Variants in ENOX1 observed in about 807,000 individuals in gnomAD.
ENOX1 encodes candidate growth-related and time keeping constitutive hydroquinone (NADH) oxidase.
A neutral mutation model predicts 82.5 loss-of-function variants in ENOX1; 42 were observed. The observed-to-expected ratio is 0.51, with a 90% CI of 0.40 to 0.66. The LOEUF (loss-of-function observed/expected upper bound fraction) is 0.66. ENOX1 is among the 30% of genes least tolerant of loss of function. The pLI is 0.00. For missense variants in ENOX1, 608 were observed against 811.6 expected (o/e 0.75, Z 3.05); for synonymous variants, 271 against 282.2 (o/e 0.96, Z 0.40).
intron 2 of ENOX1, among the ~76,000 whole-genome samples, chr13:43,593,725 G>C (rs1007409594): frequency 3.0e-5 from 3 of 99,188 alleles, no homozygotes; most frequent in Non-Finnish European, 5.8e-5. Flanking sequence ...CACACACACA[G>C]GCACTCCCTT....
chr13:43,757,705 T>C (rs575064891), intron 1 of ENOX1, among the ~76,000 whole-genome samples: 2 of 152,176 alleles, frequency 1.3e-5, no homozygotes, highest in Non-Finnish European at 2.9e-5. Context: ...CATTTTACAC[T>C]ACAAGTGAGA....
intron 1 of ENOX1, among the ~76,000 whole-genome samples, chr13:43,729,759 C>G (rs1380507483): frequency 6.6e-6 from 1 of 152,240 alleles, no homozygotes; most frequent in Non-Finnish European, 1.5e-5. Context: ...AATAATGCCT[C>G]TCTGATGGAG....
chr13:43,474,651 C>A (rs1593386505), intron 3 of ENOX1, among the ~76,000 whole-genome samples: 1 of 152,136 alleles, frequency 6.6e-6, no homozygotes, highest in African/African-American at 2.4e-5. Context: ...CCTACACTTA[C>A]TTTTCTCACT....
chr13:43,638,474 C>T (rs2083496504), intron 2 of ENOX1, among the ~76,000 whole-genome samples: 1 of 151,984 alleles, frequency 6.6e-6, no homozygotes, highest in African/African-American at 2.4e-5. Context: ...CTGCACTGAG[C>T]TCTAGCAAAG....
intron 3 of ENOX1, among the ~76,000 whole-genome samples, chr13:43,438,849 C>T (rs1359333471): frequency 6.6e-6 from 1 of 152,130 alleles, no homozygotes; most frequent in Non-Finnish European, 1.5e-5. Flanking sequence ...AAAGGAGATT[C>T]TGATATGCAT....
At chr13:43,545,036 A>G (rs1314794518) in intron 2 of ENOX1, 2 of 151,930 alleles carry the variant, frequency 1.3e-5, no homozygotes, top group Non-Finnish European at 2.9e-5. Flanking sequence ...ATATCCCTAA[A>G]CTCCATCCAT....
intron 14 of ENOX1, among the ~76,000 whole-genome samples, chr13:43,238,717 T>C (rs943208342): frequency 6.6e-6 from 1 of 152,078 alleles, no homozygotes; most frequent in Non-Finnish European, 1.5e-5. Flanking sequence ...ACCCTGGAGC[T>C]GAGTGGAAAT....
intron 2 of ENOX1, among the ~76,000 whole-genome samples, chr13:43,611,686 G>C (rs1223617210): frequency 2.0e-5 from 3 of 152,166 alleles, no homozygotes; most frequent in Non-Finnish European, 4.4e-5. Flanking sequence ...TATTTCTAAT[G>C]CATTCTGGCA....
intron 1 of ENOX1, among the ~76,000 whole-genome samples, chr13:43,723,934 G>A (rs2088752201): frequency 6.6e-6 from 1 of 152,132 alleles, no homozygotes; most frequent in Non-Finnish European, 1.5e-5. Context: ...CAGTTATTCT[G>A]GGATATCTGA....
intron 3 of ENOX1, among the ~76,000 whole-genome samples, chr13:43,445,289 A>G (rs1320886462): frequency 6.6e-6 from 1 of 151,706 alleles, no homozygotes; most frequent in Non-Finnish European, 1.5e-5. Context: ...ACGCCTGGCT[A>G]ATTTTTTGTA....
intron 2 of ENOX1, among the ~76,000 whole-genome samples, chr13:43,625,415 A>G (rs1014381639): frequency 6.6e-6 from 1 of 152,006 alleles, no homozygotes; most frequent in South Asian, 2.1e-4. Flanking sequence ...CTTGTTCTCA[A>G]TCTTGAAGAG....
chr13:43,537,688 A>G (rs1203546395), intron 2 of ENOX1, among the ~76,000 whole-genome samples: 1 of 152,226 alleles, frequency 6.6e-6, no homozygotes, highest in Non-Finnish European at 1.5e-5. Flanking sequence ...AGATCTTGTG[A>G]TGTGAGACAC....
At chr13:43,276,138 G>A (rs1012446333) in intron 12 of ENOX1, among the ~76,000 whole-genome samples, 2 of 152,156 alleles carry the variant, frequency 1.3e-5, no homozygotes, top group Admixed American at 1.3e-4. Flanking sequence ...TACTCAGTGG[G>A]ATAATCCTTT....
At chr13:43,659,811 T>A (rs1190294738) in intron 2 of ENOX1, among the ~76,000 whole-genome samples, 1 of 152,170 alleles carries the variant, frequency 6.6e-6, no homozygotes, top group Non-Finnish European at 1.5e-5. Context: ...AGGAAAGGTA[T>A]CCTTAGCTGC....
At chr13:43,501,625 G>A (rs114239324) in intron 2 of ENOX1, among the ~76,000 whole-genome samples, 2,845 of 151,090 alleles carry the variant, frequency 0.019, 102 homozygotes, top group African/African-American at 0.064. Context: ...CAAATACATG[G>A]AAATTTGAAA....
chr13:43,335,802 C>A (rs1427337521), intron 9 of ENOX1, among the ~76,000 whole-genome samples: 1 of 150,278 alleles, frequency 6.7e-6, no homozygotes, highest in Non-Finnish European at 1.5e-5. Flanking sequence ...AAAAAAGACT[C>A]ATTTCAGTTC....
At chr13:43,262,198 C>T (rs1415839116) in intron 14 of ENOX1, among the ~76,000 whole-genome samples, 2 of 151,852 alleles carry the variant, frequency 1.3e-5, no homozygotes, top group Non-Finnish European at 2.9e-5. Flanking sequence ...TAATGAGATA[C>T]CAAGATTTTT....
chr13:43,406,826 A>G (rs998444760), intron 5 of ENOX1, among the ~76,000 whole-genome samples: 2 of 152,162 alleles, frequency 1.3e-5, no homozygotes, highest in African/African-American at 4.8e-5. Flanking sequence ...TGTGTTTAAA[A>G]TAGCACAAAT....
intron 3 of ENOX1, among the ~76,000 whole-genome samples, chr13:43,422,658 G>GC (rs1294873750): frequency 6.6e-6 from 1 of 152,004 alleles, no homozygotes; most frequent in African/African-American, 2.4e-5. Flanking sequence ...TGACCTGAAG[G>GC]CCCCCCTCTA....
Sources: allele counts gnomAD v4.1 joint callset (sites outside exome capture counted in the v4.1 genomes callset), GRCh38; gene constraint gnomAD v4.1.1; transcripts MANE v1.5; gene names NCBI Gene and HGNC (gene_info 2026-07-23, HGNC 2026-07-21).